The following KAZN variants were observed in gnomAD, a reference collection of about 807,000 sequenced individuals.
The protein encoded by KAZN is kazrin, periplakin interacting protein.
A neutral mutation model predicts 87.4 loss-of-function variants in KAZN; 40 were observed. That is an observed-to-expected ratio of 0.46 (90% CI 0.36 to 0.60). KAZN has a LOEUF of 0.60. KAZN is among the 20% of genes least tolerant of loss of function. The pLI, the probability that KAZN is intolerant of heterozygous loss-of-function variation, is 0.00. For missense variants in KAZN, 898 were observed against 1,073.9 expected, an observed-to-expected ratio of 0.84 and a Z score of 2.29; for synonymous variants, 466 against 458.3, an observed-to-expected ratio of 1.02 and a Z score of -0.22.
intron 1 of KAZN, among the ~76,000 whole-genome samples, chr1:14,171,142 A>G (rs1009503520): frequency 2.6e-5 from 4 of 152,238 alleles, no homozygotes; most frequent in Non-Finnish European, 5.9e-5. Context: ...GTATAGCTGA[A>G]TAGTATTCCA....
chr1:14,418,272 C>T (rs1236721860), intron 2 of KAZN, among the ~76,000 whole-genome samples: 3 of 152,100 alleles, frequency 2.0e-5, no homozygotes, highest in Admixed American at 6.5e-5. Context: ...AACTATATGA[C>T]CCTGGCAGGC....
chr1:14,264,163 C>A (rs546816965), intron 2 of KAZN, among the ~76,000 whole-genome samples: 1 of 152,148 alleles, frequency 6.6e-6, no homozygotes, highest in South Asian at 2.1e-4. Flanking sequence ...AAAGTGGCAG[C>A]AGGACTGTGT....
chr1:14,584,277 G>T (rs541470096), intron 2 of KAZN, among the ~76,000 whole-genome samples: 1 of 152,200 alleles, frequency 6.6e-6, no homozygotes, highest in Admixed American at 6.5e-5. Context: ...CCAACAACCG[G>T]AGAGAGAAGC....
chr1:14,094,010 C>T (rs1644067709), intron 1 of KAZN, among the ~76,000 whole-genome samples: 1 of 152,034 alleles, frequency 6.6e-6, no homozygotes, highest in African/African-American at 2.4e-5. Context: ...TCTTTATGGC[C>T]AGCTGTAACA....
intron 2 of KAZN, among the ~76,000 whole-genome samples, chr1:14,450,896 A>T (rs1368607479): frequency 1.3e-5 from 2 of 151,642 alleles, no homozygotes; most frequent in African/African-American, 4.8e-5. Context: ...TGGTCGTCCT[A>T]GGTTTCTGAT....
chr1:14,092,735 C>T (rs1409992857), intron 1 of KAZN, among the ~76,000 whole-genome samples: 1 of 152,032 alleles, frequency 6.6e-6, no homozygotes, highest in Non-Finnish European at 1.5e-5. Flanking sequence ...TTTATTTTGT[C>T]CTTTATTTTC....
chr1:14,017,428 T>C (rs971140482), intron 1 of KAZN, among the ~76,000 whole-genome samples: 2 of 152,264 alleles, frequency 1.3e-5, no homozygotes, highest in African/African-American at 4.8e-5. Context: ...GCAACTTACA[T>C]TGATTGAACA....
At chr1:14,477,263 C>T (rs550620595) in intron 2 of KAZN, among the ~76,000 whole-genome samples, 5 of 152,280 alleles carry the variant, frequency 3.3e-5, no homozygotes, top group Middle Eastern at 3.4e-3. Flanking sequence ...CTGCCATCCA[C>T]GTAAGATGTG....
At chr1:14,103,174 A>C (rs925598266) in intron 1 of KAZN, among the ~76,000 whole-genome samples, 31 of 151,928 alleles carry the variant, frequency 2.0e-4, no homozygotes, top group African/African-American at 7.2e-4. Context: ...GCCCGTCTTG[A>C]TCTCTCAAAG....
intron 1 of KAZN, among the ~76,000 whole-genome samples, chr1:14,035,180 G>A (rs1159134495): frequency 6.6e-6 from 1 of 152,190 alleles, no homozygotes; most frequent in African/African-American, 2.4e-5. Context: ...GGGCAGATAG[G>A]CAGATTAATC....
At chr1:14,180,229 G>C (rs992222530) in intron 1 of KAZN, among the ~76,000 whole-genome samples, 1 of 152,000 alleles carries the variant, frequency 6.6e-6, no homozygotes, top group African/African-American at 2.4e-5. Flanking sequence ...CTCTATGTAG[G>C]CTTGGCATTT....
intron 1 of KAZN, among the ~76,000 whole-genome samples, chr1:14,010,382 G>A (rs1278273737): frequency 6.6e-6 from 1 of 152,216 alleles, no homozygotes; most frequent in Admixed American, 6.5e-5. Context: ...CTCAGAATAT[G>A]AGTGTTGAAA....
intron 1 of KAZN, among the ~76,000 whole-genome samples, chr1:14,836,232 G>C (rs1647254800): frequency 6.6e-6 from 1 of 152,156 alleles, no homozygotes; most frequent in South Asian, 2.1e-4. Context: ...AGAGAGGGTG[G>C]AGAGAAGCCA....
intron 4 of KAZN, among the ~76,000 whole-genome samples, chr1:15,050,276 G>A (rs975270370): frequency 6.6e-6 from 1 of 152,168 alleles, no homozygotes; most frequent in South Asian, 2.1e-4. Flanking sequence ...GAATCAGGCA[G>A]GCACGCTGCA....
chr1:14,620,196 T>C (rs1678585099), intron 1 of KAZN, among the ~76,000 whole-genome samples: 2 of 152,188 alleles, frequency 1.3e-5, no homozygotes, highest in Admixed American at 1.3e-4. Flanking sequence ...CTCCCTAAAT[T>C]GTAAGCACAA....
At chr1:15,034,625 G>A (rs887835298) in intron 2 of KAZN, 124 bp from the exon 3 acceptor site, 89 of 1,186,090 alleles carry the variant, frequency 7.5e-5, no homozygotes, top group Middle Eastern at 2.2e-4. Flanking sequence ...GGGACATTTC[G>A]TCTTTCTGAG....
intron 2 of KAZN, among the ~76,000 whole-genome samples, chr1:14,366,641 G>A (rs769554009): frequency 2.6e-5 from 4 of 152,170 alleles, no homozygotes; most frequent in Admixed American, 6.5e-5. Context: ...GTGTGCCAGC[G>A]GGAAGAAACG....
intron 1 of KAZN, among the ~76,000 whole-genome samples, chr1:14,839,413 A>T (rs1161747908): frequency 6.6e-6 from 1 of 152,200 alleles, no homozygotes; most frequent in African/African-American, 2.4e-5. Context: ...TGGCATAAAC[A>T]TTCAATAAAT....
At chr1:14,743,429 C>CA (rs34732365) in intron 1 of KAZN, among the ~76,000 whole-genome samples, 58,385 of 135,226 alleles carry the variant, frequency 0.43, 11,855 homozygotes, top group Middle Eastern at 0.55. Flanking sequence ...GACTCTGTCT[C>CA]AAAAAAAAAA....
Sources: gnomAD v4.1 joint callset for allele counts (sites outside exome capture counted in the v4.1 genomes callset) on GRCh38, gnomAD v4.1.1 for gene constraint, MANE v1.5 for transcripts, NCBI Gene and HGNC (gene_info 2026-07-23, HGNC 2026-07-21) for gene names.